Variants in GRIK2 observed in about 807,000 individuals in gnomAD.
GRIK2 encodes glutamate ionotropic receptor kainate type subunit 2, also known as glutamate receptor ionotropic, kainate 2.
A neutral mutation model predicts 100.3 loss-of-function variants in GRIK2; 32 were observed. The observed-to-expected ratio is 0.32, with a 90% CI of 0.24 to 0.43. The LOEUF is 0.43. GRIK2 is among the 20% of genes least tolerant of loss of function. GRIK2 has a pLI of 1.00. For synonymous variants in GRIK2, 417 were observed against 389.4 expected, an observed-to-expected ratio of 1.07 and a Z score of -0.83; for missense variants, 843 against 1,114.9, an observed-to-expected ratio of 0.76 and a Z score of 3.47.
At chr6:101,856,058 G>A (rs1784410031) in intron 10 of GRIK2, among the ~76,000 whole-genome samples, 1 of 152,178 alleles carries the variant, frequency 6.6e-6, no homozygotes, top group Non-Finnish European at 1.5e-5. Context: ...TCACCAAGAT[G>A]AGAGCAAGTG....
intron 14 of GRIK2, among the ~76,000 whole-genome samples, chr6:102,016,538 TACAA>T (rs1213704203): frequency 7.3e-6 from 1 of 137,098 alleles, no homozygotes; most frequent in Admixed American, 7.2e-5. Flanking sequence ...ATAATAATAA[TACAA>T]AAAAAATAAA....
intron 14 of GRIK2, among the ~76,000 whole-genome samples, chr6:101,986,696 A>C (rs1794032897): frequency 6.6e-6 from 1 of 151,894 alleles, no homozygotes; most frequent in South Asian, 2.1e-4. Context: ...TCTACACCTG[A>C]TTATGAGTAT....
intron 2 of GRIK2, among the ~76,000 whole-genome samples, chr6:101,511,618 T>A (rs999647240): frequency 2.0e-5 from 3 of 152,014 alleles, no homozygotes; most frequent in Non-Finnish European, 4.4e-5. Context: ...CATTTCTTTG[T>A]AAGGAAATAA....
chr6:101,842,064 A>C (rs546713036), intron 10 of GRIK2, among the ~76,000 whole-genome samples: 1 of 152,302 alleles, frequency 6.6e-6, no homozygotes, highest in African/African-American at 2.4e-5. Context: ...TAGAGATAAA[A>C]ATTTATAAAT....
At chr6:101,550,277 T>C (rs1422544775) in intron 2 of GRIK2, among the ~76,000 whole-genome samples, 1 of 152,200 alleles carries the variant, frequency 6.6e-6, no homozygotes, top group African/African-American at 2.4e-5. Context: ...TTTTAGTCTT[T>C]GGAAAGAAAT....
At chr6:101,737,609 G>T (rs903686197) in intron 7 of GRIK2, among the ~76,000 whole-genome samples, 1 of 152,178 alleles carries the variant, frequency 6.6e-6, no homozygotes, top group Admixed American at 6.5e-5. Flanking sequence ...ACAACATGTG[G>T]CAATTATGGG....
intron 14 of GRIK2, among the ~76,000 whole-genome samples, chr6:101,946,224 A>C (rs1163687791): frequency 1.2e-4 from 19 of 152,082 alleles, no homozygotes; most frequent in Admixed American, 1.2e-3. Flanking sequence ...GAGAACACAA[A>C]CATGCACACA....
chr6:101,928,996 T>C (rs926241520), intron 14 of GRIK2, among the ~76,000 whole-genome samples: 2 of 152,164 alleles, frequency 1.3e-5, no homozygotes, highest in Admixed American at 6.5e-5. Flanking sequence ...TCCAGAAGAA[T>C]AGAATAATTA....
intron 11 of GRIK2, among the ~76,000 whole-genome samples, chr6:101,872,048 TG>T (rs1470083553): frequency 6.6e-6 from 1 of 151,920 alleles, no homozygotes; most frequent in East Asian, 1.9e-4. Context: ...TATTTTTTGT[TG>T]TTGTTGACTT....
At chr6:101,963,278 ATTTTTTTTTTTTTTTTTTTTTTT>A (rs3029099) in intron 14 of GRIK2, among the ~76,000 whole-genome samples, 2 of 27,822 alleles carry the variant, frequency 7.2e-5, no homozygotes, top group East Asian at 1.1e-3. Flanking sequence ...CTTATTTAGG[ATTTTTTTTTTTTTTTTTTTTTTT>A]TTTTTTTTTT....
chr6:101,666,850 G>T (rs1459812090), intron 4 of GRIK2, among the ~76,000 whole-genome samples: 1 of 152,122 alleles, frequency 6.6e-6, no homozygotes, highest in East Asian at 1.9e-4. Context: ...AGTAGGGCCT[G>T]TTGAGACACA....
chr6:101,556,995 C>T (rs1776779052), intron 2 of GRIK2, among the ~76,000 whole-genome samples: 1 of 151,482 alleles, frequency 6.6e-6, no homozygotes, highest in Non-Finnish European at 1.5e-5. Context: ...ATTTTTACTT[C>T]ACATCACTGT....
chr6:101,734,633 G>A (rs1277670722), intron 7 of GRIK2, among the ~76,000 whole-genome samples: 1 of 151,912 alleles, frequency 6.6e-6, no homozygotes, highest in Non-Finnish European at 1.5e-5. Flanking sequence ...GGAGCCTAGA[G>A]GTAAAGACCT....
chr6:101,659,443 A>G (rs534050443), intron 4 of GRIK2, among the ~76,000 whole-genome samples: 27 of 152,202 alleles, frequency 1.8e-4, no homozygotes, highest in Non-Finnish European at 2.9e-4. Context: ...GTCAGGTAGC[A>G]GTATGCCATC....
chr6:101,826,861 T>A (rs982347475), intron 10 of GRIK2, among the ~76,000 whole-genome samples: 25 of 152,014 alleles, frequency 1.6e-4, no homozygotes, highest in African/African-American at 6.0e-4. Flanking sequence ...GATATATTAC[T>A]CTGACATCAG....
intron 2 of GRIK2, among the ~76,000 whole-genome samples, chr6:101,560,973 C>T (rs1030162096): frequency 6.6e-6 from 1 of 152,098 alleles, no homozygotes; most frequent in African/African-American, 2.4e-5. Flanking sequence ...ATAAATTAGG[C>T]TTGGTTATAC....
intron 16 of GRIK2, 129 bp downstream of exon 16, chr6:102,055,709 TCATTCATTA>T (rs1771430896): frequency 1.6e-6 from 1 of 629,078 alleles, no homozygotes; most frequent in South Asian, 2.1e-5. Context: ...TTGTCTTATG[TCATTCATTA>T]CATAACAAAA....
chr6:101,949,995 A>T lies in GRIK2; in HGVS notation c.2085+21363A>T, dbSNP rs1347865717. On this transcript the variant is annotated intron_variant, in intron 14 of 16. Transcript: ENST00000369134. The stretch of plus-strand genomic sequence containing the variant: ...TCATGCTGATTTCATGTTCAGGAAC[A>T]GAACAGAAATGAGAAAATGAGAAAT... Among the ~76,000 whole-genome samples the T allele has an allele frequency of 4.6e-5, 7 of 152,210 alleles. 1 individual carries two copies. Among genetic ancestry groups the T allele is most frequent in the Non-Finnish European group, 1.0e-4 (7 of 68,034 alleles).
At chr6:101,836,621 A>ATGTG (rs1562426740) in intron 10 of GRIK2, among the ~76,000 whole-genome samples, 4 of 134,128 alleles carry the variant, frequency 3.0e-5, no homozygotes, top group South Asian at 2.3e-4. Context: ...ATATATAGTT[A>ATGTG]TATATATATA....
Sources: gnomAD v4.1 joint callset for allele counts (sites outside exome capture counted in the v4.1 genomes callset) on GRCh38, gnomAD v4.1.1 for gene constraint, MANE v1.5 for transcripts, NCBI Gene and HGNC (gene_info 2026-07-23, HGNC 2026-07-21) for gene names.